Variants in SYT13 observed in about 807,000 individuals in gnomAD.
The protein encoded by SYT13 is synaptotagmin-13.
Under a neutral mutation model 38.6 loss-of-function variants are expected in SYT13, and 21 were observed. The observed-to-expected ratio is 0.54, with a 90% CI of 0.39 to 0.78. The LOEUF (loss-of-function observed/expected upper bound fraction) is 0.78, where lower values mean the gene tolerates loss of function less well. SYT13 is among the 30% of genes least tolerant of loss of function. The probability of loss-of-function intolerance (pLI) is 0.00; values close to 1 mark genes in which losing one functional copy is unlikely to be tolerated. For missense variants in SYT13, 495 were observed against 548.7 expected (o/e 0.90, Z 0.98); for synonymous variants, 241 against 237.6 (o/e 1.01, Z -0.13).
At position 45,244,224 on chromosome 11, in the gene SYT13, T is replaced by A; in HGVS notation, c.1109A>T (p.Gln370Leu). Residue 370 changes from glutamine to leucine, a missense_variant, in exon 6 of 6, where the codon CAG becomes CTG. Gln to Leu is a moderately radical substitution (Grantham distance 113). Transcript: ENST00000020926. Reference sequence around the variant, plus strand: ...CACTTCCAGCTCCACACTGGAGGCCTGCAGCAGGTCGTCAGGCAGCTCAAA... The same window carrying A: ...CACTTCCAGCTCCACACTGGAGGCCAGCAGCAGGTCGTCAGGCAGCTCAAA... ...IMFELPDDLL[Q>L]ASSVELEVLG... is the part of the protein sequence containing the mutation. The A allele has an allele frequency of 6.2e-7, 1 of 1,614,102 alleles. No individual in the cohort carries two copies. Among genetic ancestry groups the A allele is most frequent in the Non-Finnish European group, 8.5e-7 (1 of 1,180,048 alleles).
intron 1 of SYT13, among the ~76,000 whole-genome samples, chr11:45,273,534 A>G: frequency 6.6e-6 from 1 of 150,618 alleles, no homozygotes. Flanking sequence ...TTGACGGGGG[A>G]GCATTTAGGG....
chr11:45,266,776 G>A (rs752031989), intron 1 of SYT13, among the ~76,000 whole-genome samples: 7 of 152,158 alleles, frequency 4.6e-5, no homozygotes, highest in Non-Finnish European at 1.0e-4. Flanking sequence ...CAGTCCAAAG[G>A]TTTGATCTGT....
intron 1 of SYT13, among the ~76,000 whole-genome samples, chr11:45,263,708 T>A (rs1385435433): frequency 6.6e-6 from 1 of 152,180 alleles, no homozygotes; most frequent in Non-Finnish European, 1.5e-5. Context: ...ATACTGGCGA[T>A]TATGCACACT....
intron 1 of SYT13, among the ~76,000 whole-genome samples, chr11:45,265,417 A>ATGC (rs1854869804): frequency 2.6e-5 from 4 of 152,260 alleles, no homozygotes; most frequent in Admixed American, 1.3e-4. Context: ...GAGGCCAGGA[A>ATGC]TGCTGCTAAG....
intron 1 of SYT13, among the ~76,000 whole-genome samples, chr11:45,284,078 G>A (rs1207427672): frequency 6.6e-6 from 1 of 152,210 alleles, no homozygotes; most frequent in Non-Finnish European, 1.5e-5. Context: ...TGTATGAAAG[G>A]CCAGAGAAAA....
intron 4 of SYT13, among the ~76,000 whole-genome samples, chr11:45,247,884 A>G (rs1027299012): frequency 1.7e-4 from 26 of 152,262 alleles, no homozygotes; most frequent in African/African-American, 5.8e-4. Context: ...GCTATGAAGA[A>G]ATATAGATAT....
intron 5 of SYT13, among the ~76,000 whole-genome samples, chr11:45,244,818 A>G (rs1854595402): frequency 1.3e-5 from 2 of 152,190 alleles, no homozygotes; most frequent in South Asian, 2.1e-4. Flanking sequence ...CATGATATAG[A>G]AGGCTGGCCA....
chr11:45,260,402 CA>C (rs1854800389), intron 1 of SYT13, among the ~76,000 whole-genome samples: 1 of 152,204 alleles, frequency 6.6e-6, no homozygotes, highest in South Asian at 2.1e-4. Context: ...GCTGAAACTT[CA>C]GTGCCAGAGA....
chr11:45,281,806 C>T (rs1401822738), intron 1 of SYT13, among the ~76,000 whole-genome samples: 2 of 152,210 alleles, frequency 1.3e-5, no homozygotes, highest in Non-Finnish European at 2.9e-5. Flanking sequence ...AAAAGACTCA[C>T]TTAAGTGCAC....
At chr11:45,245,346 T>C (rs1018876148) in intron 5 of SYT13, among the ~76,000 whole-genome samples, 1 of 152,242 alleles carries the variant, frequency 6.6e-6, no homozygotes, top group Non-Finnish European at 1.5e-5. Context: ...GGTTAGTTTG[T>C]TATTTCTACA....
At chr11:45,279,054 C>G (rs1432582597) in intron 1 of SYT13, among the ~76,000 whole-genome samples, 1 of 152,172 alleles carries the variant, frequency 6.6e-6, no homozygotes, top group East Asian at 1.9e-4. Flanking sequence ...TTTATAGACA[C>G]TTTTATGCCA....
rs749863985 is a variant in SYT13 at position 45,252,763 on chromosome 11, G to A, written c.545-41C>T. 22 of 1,521,710 alleles carry A rather than the reference G, an allele frequency of 1.4e-5. No homozygotes were observed. The highest frequency in any genetic ancestry group is 1.9e-5 in the Non-Finnish European group (21 of 1,129,426). The allele number at this position is 1,521,710 out of a possible 1,614,324, so 94.3% of individuals were successfully genotyped here. On this transcript the variant is annotated intron_variant, in intron 3 of 5. Coordinates refer to ENST00000020926, the MANE Select transcript of SYT13 (RefSeq NM_020826.3). The surrounding 1 kb of genome is among the most constrained non-coding windows in gnomAD (Gnocchi z 4.3). ...ACAACACAGGCGTGGGACTTTCTGA[G>A]GACAAGTGGAGGGGGCAGAAGCACG... is the stretch of plus-strand genomic sequence containing the variant.
At position 45,283,009 on chromosome 11, in the gene SYT13, G is replaced by A. The variant is rs555389011; in HGVS notation, c.183+3016C>T. Among the ~76,000 whole-genome samples the A allele has an allele frequency of 3.2e-4, 49 of 152,218 alleles. No homozygotes were observed. In the South Asian group the frequency reaches 5.6e-3, roughly 17 times the overall value. On this transcript the variant is annotated intron_variant, in intron 1 of 5. Transcript: ENST00000020926. ...AAAACATAAAAAAAATTAGTCAGGC[G>A]TGGTGGCACGTGCCTGTATTCCCAG...
chr11:45,274,406 G>A (rs1308549839), intron 1 of SYT13, among the ~76,000 whole-genome samples: 1 of 152,202 alleles, frequency 6.6e-6, no homozygotes, highest in Admixed American at 6.5e-5. Flanking sequence ...GAGATCATTA[G>A]ATGATGCATT....
rs187366786 is a variant in SYT13 at position 45,268,354 on chromosome 11, G to A, written c.184-12463C>T. 4.1e-5 allele frequency among the ~76,000 whole-genome samples: 6 copies of A among 147,538 alleles called. No homozygotes were observed. In the Middle Eastern group the frequency reaches 0.014, roughly 342 times the overall value. ...ATTTCCCTTAGGAATAAGTGCTGTC[G>A]AGACCGGGACAGATGGTAATGAGGT... On this transcript the variant is annotated intron_variant, in intron 1 of 5. Coordinates refer to ENST00000020926, the MANE Select transcript of SYT13 (RefSeq NM_020826.3).
At chr11:45,270,016 C>A (rs1854930235) in intron 1 of SYT13, among the ~76,000 whole-genome samples, 1 of 152,172 alleles carries the variant, frequency 6.6e-6, no homozygotes, top group African/African-American at 2.4e-5. Flanking sequence ...CTTTTCACTC[C>A]AGCCACCCTA....
At chr11:45,279,826 G>C (rs2135911395) in intron 1 of SYT13, among the ~76,000 whole-genome samples, 1 of 152,284 alleles carries the variant, frequency 6.6e-6, no homozygotes, top group Non-Finnish European at 1.5e-5. Flanking sequence ...CAGCCTTCCA[G>C]AGTTGAATCA....
intron 1 of SYT13, among the ~76,000 whole-genome samples, chr11:45,280,154 T>A (rs1017684279): frequency 6.6e-6 from 1 of 152,200 alleles, no homozygotes; most frequent in African/African-American, 2.4e-5. Flanking sequence ...CATCTGTCCA[T>A]CCTCACTCTT....
intron 1 of SYT13, among the ~76,000 whole-genome samples, chr11:45,277,506 T>C (rs1038055147): frequency 6.6e-6 from 1 of 152,214 alleles, no homozygotes; most frequent in African/African-American, 2.4e-5. Context: ...TAAATCTGTC[T>C]ATGGTCTACA....
Sources: gnomAD v4.1 joint callset for allele counts (sites outside exome capture counted in the v4.1 genomes callset) on GRCh38, gnomAD v4.1.1 for gene constraint, Gnocchi (gnomAD v3.1) non-coding constraint, MANE v1.5 for transcripts, NCBI Gene and HGNC (gene_info 2026-07-23, HGNC 2026-07-21) for gene names.